The following PCDH15 variants were observed in gnomAD, a reference collection of about 807,000 sequenced individuals.
PCDH15 encodes the protein protocadherin related 15.
A neutral mutation model predicts 178.5 loss-of-function variants in PCDH15; 129 were observed. The ratio of observed to expected loss-of-function variants is 0.72; its 90% CI spans 0.63 to 0.84. PCDH15 has a LOEUF of 0.84. Ranked by LOEUF, PCDH15 falls within the 40% of genes least tolerant of loss-of-function variation. The pLI, the probability that PCDH15 is intolerant of heterozygous loss-of-function variation, is 0.00. For synonymous variants in PCDH15, 800 were observed against 732.0 expected (o/e 1.09, Z -1.50); for missense variants, 2,230 against 2,099.9 (o/e 1.06, Z -1.21).
intron 1 of PCDH15, among the ~76,000 whole-genome samples, chr10:54,740,954 T>C (rs1255912113): frequency 6.6e-6 from 1 of 151,904 alleles, no homozygotes; most frequent in African/African-American, 2.4e-5. Flanking sequence ...TAGCATTTAA[T>C]AACACAGCAG....
At chr10:53,925,571 G>C (rs928391274) in intron 25 of PCDH15, among the ~76,000 whole-genome samples, 1 of 152,212 alleles carries the variant, frequency 6.6e-6, no homozygotes, top group Non-Finnish European at 1.5e-5. Flanking sequence ...GATCTAAACA[G>C]CATTTCTCCC....
At chr10:53,825,178 T>C (rs1242168247) in intron 32 of PCDH15, 7 of 1,520,306 alleles carry the variant, frequency 4.6e-6, no homozygotes, top group African/African-American at 1.4e-5. Context: ...AAACATGTGA[T>C]AGAAAAAAAG....
intron 8 of PCDH15, among the ~76,000 whole-genome samples, chr10:54,238,681 A>T (rs35225486): frequency 0.65 from 84,502 of 129,822 alleles, 26,926 homozygotes; most frequent in Middle Eastern, 0.74. Flanking sequence ...TCTCTCTCAC[A>T]CACACACACA....
chr10:54,492,586 C>A (rs1354633152), intron 3 of PCDH15, among the ~76,000 whole-genome samples: 1 of 152,060 alleles, frequency 6.6e-6, no homozygotes. Context: ...TAGAAATAAA[C>A]AAGTCATAAG....
At chr10:54,503,654 A>G (rs2080918830) in intron 3 of PCDH15, among the ~76,000 whole-genome samples, 1 of 151,978 alleles carries the variant, frequency 6.6e-6, no homozygotes, top group South Asian at 2.1e-4. Context: ...TACAGTATGC[A>G]CCCTTTAAAT....
rs1591807504 is a variant in PCDH15 at position 54,961,165 on chromosome 10, T to C, written c.-79-63665A>G. Among the ~76,000 whole-genome samples the C allele has an allele frequency of 2.0e-5, 3 of 152,314 alleles. No homozygotes were observed. In the East Asian group the frequency reaches 5.8e-4, roughly 30 times the overall value. On this transcript the variant is annotated intron_variant, in intron 2 of 5. Coordinates refer to the PCDH15 transcript ENST00000458638. ...GCAGACAGGGGTGCATGCTCCCTTGTGCCCGCTCCAGTGTGGAGCAAATTT... is the reference window on the plus strand; with the variant it reads ...GCAGACAGGGGTGCATGCTCCCTTGCGCCCGCTCCAGTGTGGAGCAAATTT...
intron 2 of PCDH15, among the ~76,000 whole-genome samples, chr10:54,994,674 A>C (rs1839591245): frequency 6.6e-6 from 1 of 152,270 alleles, no homozygotes; most frequent in South Asian, 2.1e-4. Flanking sequence ...GTGTATTTAT[A>C]AAACATATGT....
At chr10:55,011,107 T>TAC (rs35301705) in intron 2 of PCDH15, among the ~76,000 whole-genome samples, 69,360 of 151,432 alleles carry the variant, frequency 0.46, 17,724 homozygotes, top group East Asian at 0.75. Context: ...ATTTTCTTGT[T>TAC]ACACACACAC....
chr10:55,159,016 G>A (rs1838979422), intron 2 of PCDH15, among the ~76,000 whole-genome samples: 1 of 151,874 alleles, frequency 6.6e-6, no homozygotes, highest in Non-Finnish European at 1.5e-5. Flanking sequence ...CAGTGTGAAG[G>A]GCAGTTATTA....
At chr10:54,166,374 G>C (rs977028062) in intron 13 of PCDH15, among the ~76,000 whole-genome samples, 2 of 152,144 alleles carry the variant, frequency 1.3e-5, no homozygotes, top group African/African-American at 2.4e-5. Context: ...CTCGTTCTAC[G>C]TATTTTTCAG....
At chr10:55,493,030 A>G (rs931717467) in intron 2 of PCDH15, among the ~76,000 whole-genome samples, 1 of 151,746 alleles carries the variant, frequency 6.6e-6, no homozygotes, top group Non-Finnish European at 1.5e-5. Context: ...TAGAGAATAA[A>G]TAGAAATAAA....
At chr10:53,898,883 G>A (rs1253568378) in intron 26 of PCDH15, among the ~76,000 whole-genome samples, 1 of 152,124 alleles carries the variant, frequency 6.6e-6, no homozygotes, top group Non-Finnish European at 1.5e-5. Flanking sequence ...CTGAAATTCT[G>A]TTAAAGTGTG....
intron 3 of PCDH15, among the ~76,000 whole-genome samples, chr10:54,410,511 G>T (rs2135619231): frequency 6.6e-6 from 1 of 152,196 alleles, no homozygotes; most frequent in South Asian, 2.1e-4. Flanking sequence ...CAACTGATGG[G>T]TTTAATAATT....
rs1372033605 is a variant in PCDH15 at position 53,822,301 on chromosome 10, G to A, written c.4368-2071C>T. On this transcript the variant is annotated intron_variant, in intron 32 of 37. Coordinates refer to ENST00000644397, the MANE Select transcript of PCDH15 (RefSeq NM_001384140.1). ...GGAGTTGGAAATGGAGGTAGAAGAG[G>A]TGGTGTTGGGGGACCAGACGTTGAA... is the stretch of plus-strand genomic sequence containing the variant. The A allele has an allele frequency of 3.1e-6, 5 of 1,611,654 alleles. 1 individual carries two copies. The African/African-American group carries it at 6.7e-5, about 22-fold the overall frequency.
intron 28 of PCDH15, among the ~76,000 whole-genome samples, chr10:53,844,247 T>C (rs1032615732): frequency 6.6e-6 from 1 of 151,962 alleles, no homozygotes; most frequent in Admixed American, 6.6e-5. Context: ...ATGATCTACC[T>C]TACATTTAAA....
intron 2 of PCDH15, among the ~76,000 whole-genome samples, chr10:54,898,151 A>G (rs1954578166): frequency 6.6e-6 from 1 of 152,134 alleles, no homozygotes; most frequent in South Asian, 2.1e-4. Context: ...ATGCTGGCAC[A>G]ATGCTTCCTG....
chr10:55,505,382 A>G (rs1416978176), intron 2 of PCDH15, among the ~76,000 whole-genome samples: 1 of 151,418 alleles, frequency 6.6e-6, no homozygotes, highest in Admixed American at 6.6e-5. Flanking sequence ...GGAGAATACC[A>G]TAAGGTATGA....
chr10:55,375,345 G>T (rs929442978), intron 2 of PCDH15, among the ~76,000 whole-genome samples: 1 of 152,014 alleles, frequency 6.6e-6, no homozygotes, highest in African/African-American at 2.4e-5. Flanking sequence ...ATCAAAATTA[G>T]TCAAAATTAG....
chr10:54,440,150 G>C (rs1428790810), intron 3 of PCDH15, among the ~76,000 whole-genome samples: 1 of 151,980 alleles, frequency 6.6e-6, no homozygotes, highest in Non-Finnish European at 1.5e-5. Flanking sequence ...ACCAGATGTG[G>C]CAGAAAGTTG....
Sources: allele counts gnomAD v4.1 joint callset (sites outside exome capture counted in the v4.1 genomes callset), GRCh38; gene constraint gnomAD v4.1.1; transcripts MANE v1.5; gene names NCBI Gene and HGNC (gene_info 2026-07-23, HGNC 2026-07-21).